Variants in HS3ST4 observed in about 807,000 individuals in gnomAD.
HS3ST4 encodes the protein heparan sulfate glucosamine 3-O-sulfotransferase 4.
HS3ST4 carries 17 observed loss-of-function variants against 29.2 expected under a neutral mutation model. The ratio of observed to expected loss-of-function variants is 0.58; its 90% confidence interval spans 0.40 to 0.87. The LOEUF (loss-of-function observed/expected upper bound fraction) is 0.87. Ranked by LOEUF, HS3ST4 falls within the 40% of genes least tolerant of loss-of-function variation. The pLI is 0.00. For synonymous variants in HS3ST4, 314 were observed against 285.7 expected (o/e 1.10, Z -1.00); for missense variants, 627 against 634.5 (o/e 0.99, Z 0.13).
intron 1 of HS3ST4, among the ~76,000 whole-genome samples, chr16:26,084,497 G>GT (rs2141784875): frequency 6.6e-6 from 1 of 152,262 alleles, no homozygotes; most frequent in Non-Finnish European, 1.5e-5. Flanking sequence ...TTCTTTTCCT[G>GT]TAAGATTGTA....
intron 1 of HS3ST4, among the ~76,000 whole-genome samples, chr16:26,040,309 T>G (rs1245647534): frequency 2.0e-5 from 3 of 151,354 alleles, no homozygotes; most frequent in Non-Finnish European, 3.0e-5. Context: ...TTTTTTTTTT[T>G]TTTTGAGACG....
intron 1 of HS3ST4, among the ~76,000 whole-genome samples, chr16:25,788,650 C>T (rs1156900663): frequency 3.4e-5 from 5 of 148,728 alleles, no homozygotes; most frequent in Non-Finnish European, 7.4e-5. Context: ...AAGCTATCCT[C>T]CCACCTTTGC....
intron 1 of HS3ST4, among the ~76,000 whole-genome samples, chr16:25,990,155 C>T (rs1969101897): frequency 6.6e-6 from 1 of 152,180 alleles, no homozygotes. Context: ...TCACATTCAC[C>T]TACTGAAGGA....
intron 1 of HS3ST4, among the ~76,000 whole-genome samples, chr16:25,930,518 C>G (rs373494505): frequency 6.6e-6 from 1 of 152,142 alleles, no homozygotes; most frequent in Admixed American, 6.6e-5. Context: ...GACAGACACC[C>G]GTTCAAGCAC....
intron 1 of HS3ST4, chr16:26,025,334 C>T (rs894252702): frequency 6.5e-6 from 1 of 154,366 alleles, no homozygotes; most frequent in African/African-American, 2.4e-5. Context: ...GCCAAGTCTC[C>T]TTGCACTTTC....
intron 1 of HS3ST4, among the ~76,000 whole-genome samples, chr16:25,802,577 A>G (rs1416338550): frequency 6.6e-6 from 1 of 152,100 alleles, no homozygotes; most frequent in Middle Eastern, 3.2e-3. Flanking sequence ...TGATCTGCTT[A>G]TACTTGCAGA....
At chr16:25,991,132 C>A (rs1969110228) in intron 1 of HS3ST4, among the ~76,000 whole-genome samples, 1 of 151,386 alleles carries the variant, frequency 6.6e-6, no homozygotes, top group Non-Finnish European at 1.5e-5. Flanking sequence ...TCAGCATGCT[C>A]TCCAAGTCCT....
chr16:25,953,178 G>A (rs919649607), intron 1 of HS3ST4, among the ~76,000 whole-genome samples: 2 of 152,304 alleles, frequency 1.3e-5, no homozygotes, highest in South Asian at 4.2e-4. Flanking sequence ...AGTAAGTTAT[G>A]CTTAGCTTGT....
At chr16:26,035,135 G>A (rs578076280) in intron 1 of HS3ST4, among the ~76,000 whole-genome samples, 18 of 152,166 alleles carry the variant, frequency 1.2e-4, no homozygotes, top group Non-Finnish European at 2.4e-4. Flanking sequence ...GGTAAAATTC[G>A]GTTTAGGTAA....
chr16:25,974,686 T>G (rs1968927337), intron 1 of HS3ST4, among the ~76,000 whole-genome samples: 1 of 152,234 alleles, frequency 6.6e-6, no homozygotes, highest in Non-Finnish European at 1.5e-5. Flanking sequence ...AGACCAAGCA[T>G]GATAAGCAAT....
chr16:25,757,469 C>T (rs1163387405), intron 1 of HS3ST4, among the ~76,000 whole-genome samples: 1 of 151,788 alleles, frequency 6.6e-6, no homozygotes, highest in Non-Finnish European at 1.5e-5. Flanking sequence ...TTGAGAAAGT[C>T]TATAGGCATC....
At chr16:26,053,975 A>C (rs1898376296) in intron 1 of HS3ST4, among the ~76,000 whole-genome samples, 6 of 152,148 alleles carry the variant, frequency 3.9e-5, no homozygotes, top group Admixed American at 3.9e-4. Context: ...CCCTTGTGAC[A>C]CAGATTTCTA....
At chr16:25,888,173 C>T (rs1432484012) in intron 1 of HS3ST4, among the ~76,000 whole-genome samples, 2 of 152,106 alleles carry the variant, frequency 1.3e-5, no homozygotes, top group African/African-American at 2.4e-5. Flanking sequence ...TTCATCTGGG[C>T]TATACTGCTA....
At chr16:25,731,879 A>T (rs1005173113) in intron 1 of HS3ST4, among the ~76,000 whole-genome samples, 2 of 152,242 alleles carry the variant, frequency 1.3e-5, no homozygotes, top group African/African-American at 4.8e-5. Flanking sequence ...CTTGCTTGAG[A>T]CTAATAGAAA....
chr16:25,849,394 A>G (rs1337231291), intron 1 of HS3ST4, among the ~76,000 whole-genome samples: 1 of 152,202 alleles, frequency 6.6e-6, no homozygotes, highest in Non-Finnish European at 1.5e-5. Flanking sequence ...TGAGCAAGAA[A>G]TGTGTCACTT....
chr16:25,840,332 G>C (rs1037016526), intron 1 of HS3ST4, among the ~76,000 whole-genome samples: 1 of 152,178 alleles, frequency 6.6e-6, no homozygotes, highest in Non-Finnish European at 1.5e-5. Context: ...GGATTCCTTT[G>C]AGCATTTTGA....
intron 1 of HS3ST4, among the ~76,000 whole-genome samples, chr16:26,118,722 A>G (rs1899231603): frequency 6.6e-6 from 1 of 152,170 alleles, no homozygotes; most frequent in South Asian, 2.1e-4. Context: ...GGGAAAGATC[A>G]CTCCAGGATG....
At chr16:25,790,228 T>G (rs150346476) in intron 1 of HS3ST4, among the ~76,000 whole-genome samples, 4 of 152,194 alleles carry the variant, frequency 2.6e-5, no homozygotes, top group African/African-American at 9.6e-5. Flanking sequence ...GTGGCCAACA[T>G]GGTGAAACCC....
At chr16:26,003,023 G>A (rs1969226179) in intron 1 of HS3ST4, among the ~76,000 whole-genome samples, 1 of 150,878 alleles carries the variant, frequency 6.6e-6, no homozygotes, top group Admixed American at 6.6e-5. Flanking sequence ...TCCTCAAATA[G>A]TTTTGACACG....
Sources: gnomAD v4.1 joint callset for allele counts (sites outside exome capture counted in the v4.1 genomes callset) on GRCh38, gnomAD v4.1.1 for gene constraint, MANE v1.5 for transcripts, NCBI Gene and HGNC (gene_info 2026-07-23, HGNC 2026-07-21) for gene names.